The following AGMO variants were observed in gnomAD, a reference collection of about 807,000 sequenced individuals.
The protein encoded by AGMO is glyceryl-ether monooxygenase.
Under a neutral mutation model 60.2 loss-of-function variants are expected in AGMO, and 75 were observed. The observed-to-expected ratio is 1.25, with a 90% confidence interval of 1.03 to 1.51. AGMO has a LOEUF of 1.51. Among genes scored for constraint, AGMO ranks in the 40% most tolerant of loss-of-function variants. The pLI is 0.00. For missense variants in AGMO, 763 were observed against 525.5 expected, an observed-to-expected ratio of 1.45 and a Z score of -4.42; for synonymous variants, 261 against 177.1, an observed-to-expected ratio of 1.47 and a Z score of -3.76.
intron 12 of AGMO, among the ~76,000 whole-genome samples, chr7:15,286,121 T>C: frequency 6.6e-6 from 1 of 152,048 alleles, no homozygotes; most frequent in East Asian, 1.9e-4. Context: ...CTATAAACAT[T>C]GTATAAAATA....
intron 3 of AGMO, among the ~76,000 whole-genome samples, chr7:15,434,876 C>T (rs748669852): frequency 1.8e-4 from 25 of 141,150 alleles, no homozygotes; most frequent in Non-Finnish European, 3.5e-4. Context: ...CCACCCCATT[C>T]TCAGTCCCTA....
intron 12 of AGMO, among the ~76,000 whole-genome samples, chr7:15,266,252 C>A (rs1470755489): frequency 6.6e-6 from 1 of 151,852 alleles, no homozygotes; most frequent in African/African-American, 2.4e-5. Flanking sequence ...CTTGTTTAAT[C>A]CACTTTTAGT....
intron 12 of AGMO, among the ~76,000 whole-genome samples, chr7:15,289,703 AG>A (rs1784202372): frequency 6.6e-6 from 1 of 152,104 alleles, no homozygotes; most frequent in South Asian, 2.1e-4. Context: ...AGTAATTCAA[AG>A]AAAGAGGTAA....
rs1211310002 is a variant in AGMO at position 15,531,395 on chromosome 7, ATATATATATTC to A, written c.409+13366_409+13376del. Among the ~76,000 whole-genome samples, 245 of 67,336 alleles carry A rather than the reference ATATATATATTC, an allele frequency of 3.6e-3. 8 individuals are homozygous for A. Among genetic ancestry groups the A allele is most frequent in the South Asian group, 0.011 (25 of 2,206 alleles). The allele number at this position is 67,336 out of a possible 152,430, so 44.2% of individuals were successfully genotyped here. Reference sequence around the variant, plus strand: ...TCTATATATATTCTATATATATTCTATATATATATTCTATATATATTCTATATATATTCTAT... The same window carrying A: ...TCTATATATATTCTATATATATTCTATATATATATTCTATATATATTCTAT... On this transcript the variant is annotated intron_variant, in intron 3 of 12. Transcript: ENST00000342526.
chr7:15,409,156 C>T (rs1190945623), intron 5 of AGMO, among the ~76,000 whole-genome samples: 1 of 144,768 alleles, frequency 6.9e-6, no homozygotes, highest in Non-Finnish European at 1.5e-5. Flanking sequence ...AGAACATCAC[C>T]GAAGTATTTC....
chr7:15,266,565 G>T (rs1331052440), intron 12 of AGMO, among the ~76,000 whole-genome samples: 9 of 151,514 alleles, frequency 5.9e-5, no homozygotes, highest in Non-Finnish European at 1.0e-4. Flanking sequence ...TTTGTCTTCT[G>T]CTCAGTGATT....
At chr7:15,554,446 C>G (rs1785069930) in intron 2 of AGMO, among the ~76,000 whole-genome samples, 2 of 152,106 alleles carry the variant, frequency 1.3e-5, no homozygotes, top group South Asian at 4.1e-4. Context: ...TGTAAAGAGA[C>G]ATTAGAATCC....
chr7:15,486,086 C>T (rs1782913679), intron 3 of AGMO, among the ~76,000 whole-genome samples: 1 of 152,150 alleles, frequency 6.6e-6, no homozygotes, highest in African/African-American at 2.4e-5. Context: ...CAGCATGCAG[C>T]CCATGTATTG....
chr7:15,207,005 T>C (rs1158032136), intron 12 of AGMO, among the ~76,000 whole-genome samples: 8 of 152,178 alleles, frequency 5.3e-5, no homozygotes, highest in Non-Finnish European at 2.9e-5. Flanking sequence ...TATACAATTA[T>C]TTACTCACTT....
At chr7:15,256,101 T>C (rs1311997783) in intron 12 of AGMO, among the ~76,000 whole-genome samples, 1 of 152,126 alleles carries the variant, frequency 6.6e-6, no homozygotes, top group Non-Finnish European at 1.5e-5. Context: ...ATGAGGGGGA[T>C]GTATGAAAAT....
chr7:15,384,735 A>G (rs1054462822), intron 10 of AGMO, among the ~76,000 whole-genome samples: 18 of 151,438 alleles, frequency 1.2e-4, no homozygotes, highest in African/African-American at 4.4e-4. Context: ...TAGTTACCTT[A>G]CTGCTTTCAT....
At chr7:15,334,012 A>T (rs936315892) in intron 12 of AGMO, among the ~76,000 whole-genome samples, 8 of 152,148 alleles carry the variant, frequency 5.3e-5, no homozygotes, top group Non-Finnish European at 1.2e-4. Flanking sequence ...ACAATGGAAG[A>T]AGTTTATTTT....
At chr7:15,174,374 T>C in the AGMO span, among the ~76,000 whole-genome samples, 1 of 152,092 alleles carries the variant, frequency 6.6e-6, no homozygotes, top group East Asian at 1.9e-4. Context: ...ACTATTTGCA[T>C]TGTAATGTAA....
chr7:15,349,823 C>G (rs573844938), intron 12 of AGMO, among the ~76,000 whole-genome samples: 1 of 152,056 alleles, frequency 6.6e-6, no homozygotes. Context: ...ACCATCAGGT[C>G]TGGTGAGAAC....
At chr7:15,409,592 C>A (rs1784787612) in intron 5 of AGMO, among the ~76,000 whole-genome samples, 1 of 151,710 alleles carries the variant, frequency 6.6e-6, no homozygotes, top group South Asian at 2.1e-4. Flanking sequence ...CTACTCATAC[C>A]CTTAAAATAA....
intron 3 of AGMO, among the ~76,000 whole-genome samples, chr7:15,509,009 C>G (rs1480158996): frequency 6.6e-6 from 1 of 152,120 alleles, no homozygotes; most frequent in African/African-American, 2.4e-5. Flanking sequence ...GGAAACTATC[C>G]CTTACAATTC....
At position 15,378,560 on chromosome 7, in the gene AGMO, A is replaced by T. The variant is rs1228091987; in HGVS notation, c.1074+6886T>A. Among the ~76,000 whole-genome samples, 11 of 152,052 alleles carry T rather than the reference A, an allele frequency of 7.2e-5. No individual in the cohort carries two copies. The East Asian group carries it at 1.4e-3, about 19-fold the overall frequency. ...AGATTTATTAAGCAAGTTCTTAGAGATCTTCAAAGAGATTTAGACTCCCAC... is the reference window on the plus strand; with the variant it reads ...AGATTTATTAAGCAAGTTCTTAGAGTTCTTCAAAGAGATTTAGACTCCCAC... On this transcript the variant is annotated intron_variant, in intron 10 of 12. Transcript: ENST00000342526.
chr7:15,293,985 G>A (rs982829445), intron 12 of AGMO, among the ~76,000 whole-genome samples: 1 of 152,064 alleles, frequency 6.6e-6, no homozygotes, highest in Non-Finnish European at 1.5e-5. Context: ...TTTAAGAAAG[G>A]AGAGTTTATA....
chr7:15,368,126 G>T (rs1414910223), intron 10 of AGMO, among the ~76,000 whole-genome samples: 2 of 151,958 alleles, frequency 1.3e-5, no homozygotes, highest in Non-Finnish European at 2.9e-5. Flanking sequence ...AATACAAAAG[G>T]ATTAGAATGT....
Sources: gnomAD v4.1 joint callset for allele counts (sites outside exome capture counted in the v4.1 genomes callset) on GRCh38, gnomAD v4.1.1 for gene constraint, MANE v1.5 for transcripts, NCBI Gene and HGNC (gene_info 2026-07-23, HGNC 2026-07-21) for gene names.